DNAAF4: variants seen among roughly 807,000 people sequenced by gnomAD.
DNAAF4 encodes dynein assembly factor 4, axonemal.
In DNAAF4, 43 loss-of-function variants were observed where a neutral mutation model predicts 51.8. The ratio of observed to expected loss-of-function variants is 0.83; its 90% CI spans 0.65 to 1.07. The LOEUF (loss-of-function observed/expected upper bound fraction) is 1.07. Among genes scored for constraint, DNAAF4 ranks in the 50% least tolerant of loss-of-function variants. DNAAF4 has a pLI of 0.00. For missense variants in DNAAF4, 581 were observed against 493.0 expected (o/e 1.18, Z -1.69); for synonymous variants, 194 against 165.6 (o/e 1.17, Z -1.32).
At chr15:55,483,665 G>T (rs983960894) in intron 4 of DNAAF4, among the ~76,000 whole-genome samples, 1 of 150,448 alleles carries the variant, frequency 6.6e-6, no homozygotes, top group Non-Finnish European at 1.5e-5. Flanking sequence ...CTCAGCCTCC[G>T]GAGTAGCTGG....
chr15:55,444,184 A>G (rs537104254), intron 6 of DNAAF4, among the ~76,000 whole-genome samples: 3 of 152,320 alleles, frequency 2.0e-5, no homozygotes, highest in Middle Eastern at 3.4e-3. Flanking sequence ...TAGGTCTAAC[A>G]TTTAAGTCTT....
chr15:55,469,213 C>A (rs2058213235), intron 4 of DNAAF4, among the ~76,000 whole-genome samples: 1 of 151,630 alleles, frequency 6.6e-6, no homozygotes, highest in Non-Finnish European at 1.5e-5. Context: ...GCCCTTAATC[C>A]CAGCTACTTG....
chr15:55,475,894 G>A (rs192589169), intron 4 of DNAAF4, among the ~76,000 whole-genome samples: 2 of 152,240 alleles, frequency 1.3e-5, no homozygotes, highest in African/African-American at 4.8e-5. Context: ...TAGGATAAGT[G>A]CTTAAGCAGT....
chr15:55,434,389 G>C (rs1329933426), intron 8 of DNAAF4, among the ~76,000 whole-genome samples: 1 of 151,980 alleles, frequency 6.6e-6, no homozygotes, highest in East Asian at 1.9e-4. Flanking sequence ...CTACCTAAGA[G>C]ATTTTGCACA....
chr15:55,421,861 C>G (rs921494055), intron 7 of DNAAF4, among the ~76,000 whole-genome samples: 11 of 150,456 alleles, frequency 7.3e-5, no homozygotes, highest in Non-Finnish European at 1.5e-4. Flanking sequence ...TGCACTCCAG[C>G]CTGGGCAACA....
chr15:55,429,351 C>A (rs550533837), downstream of DNAAF4, among the ~76,000 whole-genome samples: 4 of 151,574 alleles, frequency 2.6e-5, no homozygotes, highest in African/African-American at 9.7e-5. Context: ...GAAACCCTGT[C>A]TTTACTAAAA....
intron 4 of DNAAF4, among the ~76,000 whole-genome samples, chr15:55,473,857 T>C (rs2141533817): frequency 6.6e-6 from 1 of 152,120 alleles, no homozygotes; most frequent in African/African-American, 2.4e-5. Context: ...CTGGGCGTGG[T>C]GGCACACAAC....
chr15:55,420,916 C>T (rs902766255), intron 7 of DNAAF4, among the ~76,000 whole-genome samples: 11 of 152,014 alleles, frequency 7.2e-5, no homozygotes, highest in Admixed American at 5.9e-4. Flanking sequence ...TGGCCGGGCA[C>T]GGTGGCTTAC....
At chr15:55,445,333 T>C (rs2057781539) in intron 6 of DNAAF4, among the ~76,000 whole-genome samples, 1 of 152,146 alleles carries the variant, frequency 6.6e-6, no homozygotes, top group Non-Finnish European at 1.5e-5. Flanking sequence ...ACACAGCACA[T>C]GTTTCAGAGT....
At chr15:55,495,380 G>A (rs2058627761) in intron 3 of DNAAF4, among the ~76,000 whole-genome samples, 1 of 152,038 alleles carries the variant, frequency 6.6e-6, no homozygotes, top group Non-Finnish European at 1.5e-5. Context: ...AGAAAGAATG[G>A]TTGCAACTCT....
chr15:55,490,062 C>T (rs944332239), intron 4 of DNAAF4, among the ~76,000 whole-genome samples: 1 of 151,946 alleles, frequency 6.6e-6, no homozygotes, highest in Non-Finnish European at 1.5e-5. Context: ...TTAGTAGAGA[C>T]AGGGTTTCAC....
intron 4 of DNAAF4, among the ~76,000 whole-genome samples, chr15:55,490,105 C>A (rs2058550215): frequency 6.6e-6 from 1 of 152,128 alleles, no homozygotes; most frequent in African/African-American, 2.4e-5. Flanking sequence ...AACTACTGAC[C>A]TCATGATCCG....
chr15:55,468,184 T>C (rs1229616906), intron 4 of DNAAF4, among the ~76,000 whole-genome samples: 1 of 152,206 alleles, frequency 6.6e-6, no homozygotes, highest in Non-Finnish European at 1.5e-5. Context: ...TTCTAGACTA[T>C]GGATATGCTA....
chr15:55,429,382 G>A (rs539424322), downstream of DNAAF4, among the ~76,000 whole-genome samples: 5 of 151,918 alleles, frequency 3.3e-5, no homozygotes, highest in Non-Finnish European at 4.4e-5. Flanking sequence ...TTAATCAGGC[G>A]TGGTGGTGCC....
intron 7 of DNAAF4, among the ~76,000 whole-genome samples, chr15:55,436,049 A>T (rs1364968506): frequency 6.6e-6 from 1 of 152,108 alleles, no homozygotes; most frequent in African/African-American, 2.4e-5. Flanking sequence ...CGGCCTCCCA[A>T]AGCGCTGGGA....
intron 3 of DNAAF4, among the ~76,000 whole-genome samples, chr15:55,491,945 C>A (rs1485993468): frequency 6.6e-6 from 1 of 151,068 alleles, no homozygotes; most frequent in Non-Finnish European, 1.5e-5. Context: ...TAACCTTAAC[C>A]TCCTGGGCTC....
At chr15:55,469,056 C>T (rs976882753) in intron 4 of DNAAF4, among the ~76,000 whole-genome samples, 2 of 152,116 alleles carry the variant, frequency 1.3e-5, no homozygotes, top group Non-Finnish European at 2.9e-5. Flanking sequence ...AGTGACCGGG[C>T]GCGGTGGCTC....
chr15:55,480,438 T>C (rs2058393863), intron 4 of DNAAF4, among the ~76,000 whole-genome samples: 1 of 152,164 alleles, frequency 6.6e-6, no homozygotes, highest in Non-Finnish European at 1.5e-5. Context: ...ATGTTCATCA[T>C]AGAGAACAAT....
At chr15:55,475,600 T>C (rs2058325186) in intron 4 of DNAAF4, among the ~76,000 whole-genome samples, 1 of 152,200 alleles carries the variant, frequency 6.6e-6, no homozygotes, top group Non-Finnish European at 1.5e-5. Flanking sequence ...ACTCCAAAAA[T>C]CTGAAATCCA....
Sources: gnomAD v4.1 joint callset for allele counts (sites outside exome capture counted in the v4.1 genomes callset) on GRCh38, gnomAD v4.1.1 for gene constraint, MANE v1.5 for transcripts, NCBI Gene and HGNC (gene_info 2026-07-23, HGNC 2026-07-21) for gene names.